CCDC178: variants seen among roughly 807,000 people sequenced by gnomAD.
CCDC178 encodes coiled-coil domain-containing protein 178.
Under a neutral mutation model 117.4 loss-of-function variants are expected in CCDC178, and 126 were observed. That is an observed-to-expected ratio of 1.07 (90% confidence interval 0.93 to 1.24). The LOEUF (loss-of-function observed/expected upper bound fraction) is 1.24, where lower values mean the gene tolerates loss of function less well. CCDC178 is among the 50% of genes most tolerant of loss of function. The pLI, the probability that CCDC178 is intolerant of heterozygous loss-of-function variation, is 0.00. For synonymous variants in CCDC178, 283 were observed against 313.4 expected (o/e 0.90, Z 1.02); for missense variants, 1,030 against 986.9 (o/e 1.04, Z -0.59).
At chr18:33,381,217 G>A (rs529656505) in intron 5 of CCDC178, among the ~76,000 whole-genome samples, 2 of 152,170 alleles carry the variant, frequency 1.3e-5, no homozygotes, top group South Asian at 4.1e-4. Context: ...CTGAACAATA[G>A]TAATAAGAAA....
chr18:33,029,037 G>C (rs1439364925), intron 21 of CCDC178, among the ~76,000 whole-genome samples: 1 of 151,776 alleles, frequency 6.6e-6, no homozygotes, highest in African/African-American at 2.4e-5. Flanking sequence ...CCCATAGAAC[G>C]AGTTGGGAAG....
At chr18:33,031,898 A>G (rs1227425976) in intron 21 of CCDC178, among the ~76,000 whole-genome samples, 1 of 152,156 alleles carries the variant, frequency 6.6e-6, no homozygotes, top group East Asian at 1.9e-4. Flanking sequence ...GAGCAATGAG[A>G]ATAAATACTA....
chr18:33,086,645 T>G (rs1488804693), intron 21 of CCDC178, among the ~76,000 whole-genome samples: 3 of 152,048 alleles, frequency 2.0e-5, no homozygotes, highest in African/African-American at 7.2e-5. Context: ...ACAAATGCAG[T>G]TTAAATCTCT....
chr18:33,295,960 T>C (rs1301980293), intron 11 of CCDC178, among the ~76,000 whole-genome samples: 1 of 152,182 alleles, frequency 6.6e-6, no homozygotes, highest in Non-Finnish European at 1.5e-5. Context: ...GAAAAACTTA[T>C]GTTCACACAA....
At chr18:33,279,209 C>T (rs1229384822) in intron 12 of CCDC178, among the ~76,000 whole-genome samples, 1 of 152,162 alleles carries the variant, frequency 6.6e-6, no homozygotes, top group Non-Finnish European at 1.5e-5. Context: ...GAAAACCCCA[C>T]TGTCTCAGCC....
intron 15 of CCDC178, among the ~76,000 whole-genome samples, chr18:33,229,437 C>T (rs1421025705): frequency 6.6e-6 from 1 of 152,146 alleles, no homozygotes; most frequent in African/African-American, 2.4e-5. Context: ...TGTACTACTC[C>T]TAGTAATGAT....
chr18:33,389,861 G>C (rs1456528581), intron 4 of CCDC178, among the ~76,000 whole-genome samples: 1 of 151,708 alleles, frequency 6.6e-6, no homozygotes, highest in Admixed American at 6.6e-5. Context: ...GCATGAGGCT[G>C]TTTAAAACAA....
chr18:33,375,219 T>C (rs527489867), intron 5 of CCDC178, among the ~76,000 whole-genome samples: 23 of 152,354 alleles, frequency 1.5e-4, no homozygotes, highest in African/African-American at 4.3e-4. Flanking sequence ...CTAAAAAACA[T>C]TGTAGACAGT....
rs371660410 is a variant in CCDC178, at chr18:33,323,559, C to A, written c.954G>T (p.Lys318Asn). Residue 318 changes from lysine to asparagine, a missense_variant, in exon 11 of 23, where the codon AAG becomes AAT. Transcript: ENST00000383096. ...ALEACENARL[K>N]AQQIKEEIDK... The stretch of plus-strand genomic sequence containing the variant: ...CAATCTCTTCTTTAATTTGCTGAGC[C>A]TTCAATCTGGCATTTTCACAGGCTT... The A allele has an allele frequency of 1.9e-6, 3 of 1,574,102 alleles. No individual in the cohort carries two copies. The African/African-American group carries it at 4.1e-5, about 22-fold the overall frequency.
intron 22 of CCDC178, among the ~76,000 whole-genome samples, chr18:32,973,466 T>A (rs991586327): frequency 6.6e-6 from 1 of 152,082 alleles, no homozygotes; most frequent in South Asian, 2.1e-4. Context: ...AAATTTCTAC[T>A]AAATCTACAT....
chr18:33,270,870 T>A (rs1161524631), intron 12 of CCDC178, among the ~76,000 whole-genome samples: 1 of 151,596 alleles, frequency 6.6e-6, no homozygotes, highest in African/African-American at 2.4e-5. Context: ...CTTCATTGCC[T>A]AATTTAAAAG....
chr18:33,059,885 A>G (rs1024915285), intron 21 of CCDC178, among the ~76,000 whole-genome samples: 1 of 152,316 alleles, frequency 6.6e-6, no homozygotes, highest in African/African-American at 2.4e-5. Context: ...ATTCAAAGCT[A>G]TTAGCCCTCG....
chr18:33,185,176 G>C (rs1014374006), intron 20 of CCDC178, among the ~76,000 whole-genome samples: 4 of 152,030 alleles, frequency 2.6e-5, no homozygotes, highest in African/African-American at 9.7e-5. Context: ...GGTCGGGAAA[G>C]GGGTGTGCTC....
At chr18:33,385,183 G>A (rs2063479756) in intron 5 of CCDC178, among the ~76,000 whole-genome samples, 2 of 152,148 alleles carry the variant, frequency 1.3e-5, no homozygotes, top group African/African-American at 4.8e-5. Context: ...AAATATATGT[G>A]TACCCAATAC....
At chr18:33,389,116 C>T (rs1227293395) in intron 5 of CCDC178, among the ~76,000 whole-genome samples, 1 of 152,002 alleles carries the variant, frequency 6.6e-6, no homozygotes, top group Non-Finnish European at 1.5e-5. Context: ...AAAACCAGCA[C>T]ATCCTGCACA....
chr18:33,091,739 G>T (rs1264034391), intron 21 of CCDC178, among the ~76,000 whole-genome samples: 1 of 152,034 alleles, frequency 6.6e-6, no homozygotes, highest in East Asian at 1.9e-4. Context: ...GTACATAGGG[G>T]GATGCCAGAT....
chr18:33,243,697 T>C (rs1826390654), intron 15 of CCDC178, among the ~76,000 whole-genome samples: 1 of 151,908 alleles, frequency 6.6e-6, no homozygotes, highest in Non-Finnish European at 1.5e-5. Context: ...ATCTCTTTCA[T>C]AAGTGAGTAC....
chr18:33,029,938 T>C (rs961316915), intron 21 of CCDC178, among the ~76,000 whole-genome samples: 9 of 152,026 alleles, frequency 5.9e-5, no homozygotes, highest in African/African-American at 1.4e-4. Context: ...GAGAAGAATA[T>C]ATATTCTGCT....
At chr18:33,173,351 A>G (rs564203836) in intron 20 of CCDC178, among the ~76,000 whole-genome samples, 10 of 152,258 alleles carry the variant, frequency 6.6e-5, no homozygotes, top group African/African-American at 2.4e-4. Flanking sequence ...CCTGGCTTGC[A>G]TTCAGTTTTA....
Sources: gnomAD v4.1 joint callset for allele counts (sites outside exome capture counted in the v4.1 genomes callset) on GRCh38, gnomAD v4.1.1 for gene constraint, MANE v1.5 for transcripts, NCBI Gene and HGNC (gene_info 2026-07-23, HGNC 2026-07-21) for gene names.